Variants in DLGAP1 observed in about 807,000 individuals in gnomAD.
DLGAP1 encodes the protein DLG associated protein 1.
In DLGAP1, 11 loss-of-function variants were observed where a neutral mutation model predicts 90.8. That is an observed-to-expected ratio of 0.12 (90% CI 0.08 to 0.20). The LOEUF is 0.20. DLGAP1 is among the 10% of genes least tolerant of loss of function. DLGAP1 has a pLI of 1.00. For synonymous variants in DLGAP1, 558 were observed against 540.7 expected (o/e 1.03, Z -0.44); for missense variants, 1,050 against 1,333.8 (o/e 0.79, Z 3.31).
At position 4,084,947 on chromosome 18, in the gene DLGAP1, A is replaced by C; in HGVS notation, c.-159+66233T>G. Among the ~76,000 whole-genome samples, 1 of 100,218 alleles carries C rather than the reference A, an allele frequency of 1.0e-5. No individual in the cohort carries two copies. Among genetic ancestry groups the C allele is most frequent in the South Asian group, 2.9e-4 (1 of 3,396 alleles). The allele number at this position is 100,218 out of a possible 152,430, so 65.7% of individuals were successfully genotyped here. A position where few individuals can be genotyped will look rare whatever the true frequency, so the allele number is the denominator to read the frequency against. On this transcript the variant is annotated intron_variant, in intron 2 of 12. Coordinates refer to ENST00000315677, the MANE Select transcript of DLGAP1 (RefSeq NM_004746.4). The surrounding 1 kb of genome is among the most constrained non-coding windows in gnomAD (Gnocchi z 4.0). ...CTCTAAATCAAAGAGAGCATGCTGC[A>C]AGGAGCAGGCATCGTCCAGGATGGT...
At chr18:4,046,314 A>G (rs1180245221) in intron 2 of DLGAP1, among the ~76,000 whole-genome samples, 1 of 152,232 alleles carries the variant, frequency 6.6e-6, no homozygotes, top group Non-Finnish European at 1.5e-5. Context: ...AATAATAGCA[A>G]TATTTACCTA....
At chr18:4,017,310 G>C (rs2074539453) in intron 2 of DLGAP1, among the ~76,000 whole-genome samples, 1 of 152,014 alleles carries the variant, frequency 6.6e-6, no homozygotes, top group South Asian at 2.1e-4. Context: ...GTACACCAAG[G>C]GTGTAAAATC....
At chr18:4,353,427 A>C (rs1403804088) in intron 1 of DLGAP1, among the ~76,000 whole-genome samples, 1 of 152,178 alleles carries the variant, frequency 6.6e-6, no homozygotes, top group Non-Finnish European at 1.5e-5. Context: ...CTGAGCAAAC[A>C]ACCAAAAGAC....
intron 2 of DLGAP1, among the ~76,000 whole-genome samples, chr18:4,149,389 C>G (rs548319164): frequency 1.0e-4 from 15 of 150,536 alleles, no homozygotes; most frequent in African/African-American, 3.2e-4. Flanking sequence ...TTTTTTTTTT[C>G]TTGGAGATAC....
At chr18:3,981,277 G>C (rs1382912079) in intron 3 of DLGAP1, among the ~76,000 whole-genome samples, 6 of 152,202 alleles carry the variant, frequency 3.9e-5, no homozygotes, top group African/African-American at 1.2e-4. Context: ...GCAAGGAAAA[G>C]GACACACTTC....
At chr18:3,635,297 A>AT (rs763659561) in intron 7 of DLGAP1, among the ~76,000 whole-genome samples, 15 of 151,688 alleles carry the variant, frequency 9.9e-5, no homozygotes, top group Non-Finnish European at 1.6e-4. Flanking sequence ...CGCCCGGCTG[A>AT]TTTTTTTGTA....
intron 1 of DLGAP1, among the ~76,000 whole-genome samples, chr18:4,393,931 G>A (rs3911789): frequency 0.34 from 52,317 of 151,990 alleles, 9,385 homozygotes; most frequent in Admixed American, 0.42. Context: ...AACAGGAGGC[G>A]GGGCTCAGGT....
At chr18:3,658,399 C>T (rs1478281030) in intron 7 of DLGAP1, among the ~76,000 whole-genome samples, 2 of 152,224 alleles carry the variant, frequency 1.3e-5, no homozygotes, top group Non-Finnish European at 2.9e-5. Context: ...ACTGCCATAA[C>T]TGATGCTTCC....
At chr18:3,531,070 C>T (rs765829135) in intron 10 of DLGAP1, among the ~76,000 whole-genome samples, 1 of 152,126 alleles carries the variant, frequency 6.6e-6, no homozygotes, top group Non-Finnish European at 1.5e-5. Flanking sequence ...AAACTCACTA[C>T]TCTTTGACAC....
chr18:4,371,203 G>A (rs897013209), intron 1 of DLGAP1, among the ~76,000 whole-genome samples: 1 of 152,152 alleles, frequency 6.6e-6, no homozygotes, highest in East Asian at 1.9e-4. Flanking sequence ...GGAGTTTATA[G>A]TCTAGCCAAC....
intron 1 of DLGAP1, among the ~76,000 whole-genome samples, chr18:4,172,016 A>G (rs576307771): frequency 1.3e-5 from 2 of 152,228 alleles, no homozygotes; most frequent in Non-Finnish European, 2.9e-5. Flanking sequence ...CAGATGGAAG[A>G]CAATCATTAT....
At chr18:3,696,051 C>A (rs540603782) in intron 7 of DLGAP1, among the ~76,000 whole-genome samples, 1 of 152,288 alleles carries the variant, frequency 6.6e-6, no homozygotes, top group East Asian at 1.9e-4. Context: ...GATTTTGTAT[C>A]CTGAGTCTTT....
chr18:3,506,994 A>G (rs752391532), intron 11 of DLGAP1, among the ~76,000 whole-genome samples: 1 of 151,934 alleles, frequency 6.6e-6, no homozygotes, highest in Non-Finnish European at 1.5e-5. Context: ...TTTTTCTGAG[A>G]GAGGGAAAAC....
chr18:4,341,783 G>C (rs189140389), intron 1 of DLGAP1, among the ~76,000 whole-genome samples: 2 of 152,224 alleles, frequency 1.3e-5, no homozygotes, highest in East Asian at 3.9e-4. Flanking sequence ...ACATAAGAGG[G>C]ATTCATTTTA....
chr18:3,554,378 G>A (rs1005850990), intron 9 of DLGAP1, among the ~76,000 whole-genome samples: 2 of 152,162 alleles, frequency 1.3e-5, no homozygotes, highest in African/African-American at 4.8e-5. Flanking sequence ...CAGGAATTGG[G>A]GGAAAACAGC....
intron 2 of DLGAP1, among the ~76,000 whole-genome samples, chr18:4,024,215 T>C (rs953953180): frequency 6.6e-6 from 1 of 152,374 alleles, no homozygotes; most frequent in Admixed American, 6.5e-5. Context: ...TCTTAAATCA[T>C]ACATGAATGA....
At chr18:3,701,029 C>T (rs2061263518) in intron 7 of DLGAP1, among the ~76,000 whole-genome samples, 1 of 152,208 alleles carries the variant, frequency 6.6e-6, no homozygotes. Flanking sequence ...CAGGAGTGCA[C>T]TCTGCCATAC....
intron 7 of DLGAP1, among the ~76,000 whole-genome samples, chr18:3,599,567 G>A (rs1004342402): frequency 1.3e-5 from 2 of 152,180 alleles, no homozygotes; most frequent in Admixed American, 1.3e-4. Context: ...GGTGACAGGC[G>A]TGCAAGGTTT....
intron 7 of DLGAP1, among the ~76,000 whole-genome samples, chr18:3,639,314 C>T (rs2058836260): frequency 6.6e-6 from 1 of 150,514 alleles, no homozygotes; most frequent in Non-Finnish European, 1.5e-5. Context: ...CAAAATCATG[C>T]CACTGCACTC....
Sources: allele counts gnomAD v4.1 joint callset (sites outside exome capture counted in the v4.1 genomes callset), GRCh38; gene constraint gnomAD v4.1.1; non-coding constraint Gnocchi (gnomAD v3.1); transcripts MANE v1.5; gene names NCBI Gene and HGNC (gene_info 2026-07-23, HGNC 2026-07-21).